POU6F2: variants seen among roughly 807,000 people sequenced by gnomAD.
POU6F2 encodes POU domain, class 6, transcription factor 2.
A neutral mutation model predicts 71.3 loss-of-function variants in POU6F2; 31 were observed. The observed-to-expected ratio is 0.43, with a 90% CI of 0.33 to 0.59. The LOEUF (loss-of-function observed/expected upper bound fraction) is 0.59. Ranked by LOEUF, POU6F2 falls within the 20% of genes least tolerant of loss-of-function variation. The probability of loss-of-function intolerance (pLI) is 0.04; values close to 1 mark genes in which losing one functional copy is unlikely to be tolerated. For synonymous variants in POU6F2, 347 were observed against 355.7 expected (o/e 0.98, Z 0.27); for missense variants, 783 against 856.8 (o/e 0.91, Z 1.07).
intron 1 of POU6F2, among the ~76,000 whole-genome samples, chr7:39,038,197 G>C: frequency 6.6e-6 from 1 of 151,858 alleles, no homozygotes. Context: ...GACTGACTCT[G>C]TCCCACCAAG....
rs541801332 is a variant in POU6F2 at position 39,379,485 on chromosome 7, A to G, written c.973-27115A>G. Among the ~76,000 whole-genome samples the G allele has an allele frequency of 4.0e-5, 6 of 151,754 alleles. No homozygotes were observed. The South Asian group carries it at 1.3e-3, about 32-fold the overall frequency. On this transcript the variant is annotated intron_variant, in intron 5 of 9. Transcript: ENST00000518318. Reference sequence around the variant, plus strand: ...ACCCACCTGCCTGCAGAATCATTTCACCTCCCTTCCTCAAGCTCCAATCCT... The same window carrying G: ...ACCCACCTGCCTGCAGAATCATTTCGCCTCCCTTCCTCAAGCTCCAATCCT...
chr7:39,091,617 A>G (rs1338645548), intron 2 of POU6F2, among the ~76,000 whole-genome samples: 2 of 152,158 alleles, frequency 1.3e-5, no homozygotes, highest in African/African-American at 2.4e-5. Context: ...TAAAGGTTAC[A>G]TGGTATTACA....
intron 2 of POU6F2, among the ~76,000 whole-genome samples, chr7:39,178,555 A>T (rs921740366): frequency 6.6e-6 from 1 of 152,186 alleles, no homozygotes; most frequent in Non-Finnish European, 1.5e-5. Flanking sequence ...CTACCCGGAG[A>T]GGCTGTATTA....
At chr7:39,127,035 A>G (rs988708823) in intron 2 of POU6F2, among the ~76,000 whole-genome samples, 1 of 152,248 alleles carries the variant, frequency 6.6e-6, no homozygotes, top group African/African-American at 2.4e-5. Flanking sequence ...AATTTTAACA[A>G]TATATTTTAT....
intron 1 of POU6F2, among the ~76,000 whole-genome samples, chr7:39,076,428 A>T (rs1216938177): frequency 6.6e-6 from 1 of 152,220 alleles, no homozygotes; most frequent in Non-Finnish European, 1.5e-5. Context: ...TAAATCATTG[A>T]TAGGTGCAGC....
intron 2 of POU6F2, among the ~76,000 whole-genome samples, chr7:39,152,352 A>T (rs1454853057): frequency 9.2e-5 from 14 of 152,082 alleles, no homozygotes; most frequent in Non-Finnish European, 7.4e-5. Flanking sequence ...GGCTGGAAAA[A>T]ACCTTTCTGT....
chr7:39,235,163 C>T (rs1424913034), intron 4 of POU6F2, among the ~76,000 whole-genome samples: 3 of 152,160 alleles, frequency 2.0e-5, no homozygotes, highest in Non-Finnish European at 4.4e-5. Flanking sequence ...CCTTTCCTTG[C>T]TGTGTAACTA....
chr7:39,423,331 ATAC>A (rs1247058605), intron 6 of POU6F2, among the ~76,000 whole-genome samples: 1 of 152,194 alleles, frequency 6.6e-6, no homozygotes, highest in Non-Finnish European at 1.5e-5. Flanking sequence ...GATTTACAGA[ATAC>A]TCCTACTAAT....
chr7:39,293,766 A>T (rs1784803943), intron 4 of POU6F2, among the ~76,000 whole-genome samples: 1 of 152,294 alleles, frequency 6.6e-6, no homozygotes, highest in South Asian at 2.1e-4. Flanking sequence ...AAAAAAGGAA[A>T]CCCGTGACTG....
chr7:39,266,021 G>A (rs1450553709), intron 4 of POU6F2, among the ~76,000 whole-genome samples: 1 of 152,104 alleles, frequency 6.6e-6, no homozygotes, highest in Non-Finnish European at 1.5e-5. Context: ...GAAGAGAAAG[G>A]CTGGTCTGCC....
intron 1 of POU6F2, among the ~76,000 whole-genome samples, chr7:39,027,582 G>A (rs1789841098): frequency 6.6e-6 from 1 of 152,128 alleles, no homozygotes. Context: ...TTATATTTTT[G>A]ACTTTCAATT....
intron 4 of POU6F2, among the ~76,000 whole-genome samples, chr7:39,271,683 C>T (rs937876880): frequency 3.3e-5 from 5 of 152,086 alleles, no homozygotes; most frequent in East Asian, 1.9e-4. Context: ...CAAACCTGCT[C>T]GATGTGCCAC....
At chr7:39,009,309 A>G (rs1303110013) in intron 1 of POU6F2, among the ~76,000 whole-genome samples, 2 of 151,832 alleles carry the variant, frequency 1.3e-5, no homozygotes, top group East Asian at 3.9e-4. Flanking sequence ...TTCACTCATG[A>G]TTTGGCTCTC....
chr7:39,408,245 G>A (rs999483150), intron 6 of POU6F2, among the ~76,000 whole-genome samples: 2 of 152,210 alleles, frequency 1.3e-5, no homozygotes, highest in African/African-American at 4.8e-5. Flanking sequence ...GTTCAAGATA[G>A]AAACCATATC....
At chr7:39,046,565 G>A (rs1790295940) in intron 1 of POU6F2, among the ~76,000 whole-genome samples, 2 of 151,790 alleles carry the variant, frequency 1.3e-5, no homozygotes, top group Non-Finnish European at 2.9e-5. Flanking sequence ...CAGCATTCTT[G>A]CTATTTTCTT....
intron 5 of POU6F2, among the ~76,000 whole-genome samples, chr7:39,395,773 G>A (rs1418868398): frequency 1.3e-5 from 2 of 152,194 alleles, no homozygotes; most frequent in Admixed American, 6.5e-5. Context: ...CAAGTATTGG[G>A]AACTAAAGTA....
At chr7:39,462,184 C>T (rs1788964746) in intron 9 of POU6F2, among the ~76,000 whole-genome samples, 1 of 152,184 alleles carries the variant, frequency 6.6e-6, no homozygotes, top group Non-Finnish European at 1.5e-5. Context: ...TTTCTAAAGT[C>T]TACCCCCAGA....
intron 1 of POU6F2, among the ~76,000 whole-genome samples, chr7:39,078,604 T>C (rs916749865): frequency 2.0e-5 from 3 of 152,196 alleles, no homozygotes; most frequent in Non-Finnish European, 2.9e-5. Context: ...AACGCTAGTA[T>C]TGGAGCATGA....
chr7:39,206,703 G>T (rs1243602790), intron 3 of POU6F2, among the ~76,000 whole-genome samples: 1 of 152,052 alleles, frequency 6.6e-6, no homozygotes, highest in African/African-American at 2.4e-5. Flanking sequence ...GTTTAGTACT[G>T]TAATAAGCTA....
Sources: gnomAD v4.1 joint callset for allele counts (sites outside exome capture counted in the v4.1 genomes callset) on GRCh38, gnomAD v4.1.1 for gene constraint, MANE v1.5 for transcripts, NCBI Gene and HGNC (gene_info 2026-07-23, HGNC 2026-07-21) for gene names.